NTM: variants seen among roughly 807,000 people sequenced by gnomAD.
The protein encoded by NTM is neurotrimin.
Under a neutral mutation model 42.1 loss-of-function variants are expected in NTM, and 13 were observed. The observed-to-expected ratio is 0.31, with a 90% confidence interval of 0.20 to 0.49. The LOEUF (loss-of-function observed/expected upper bound fraction) is 0.49, where lower values mean the gene tolerates loss of function less well. NTM is among the 20% of genes least tolerant of loss of function. NTM has a pLI of 0.99. For missense variants in NTM, 373 were observed against 452.8 expected (o/e 0.82, Z 1.60); for synonymous variants, 187 against 179.2 (o/e 1.04, Z -0.35).
At chr11:132,325,155 C>A (rs1198595773) in intron 7 of NTM, among the ~76,000 whole-genome samples, 2 of 152,094 alleles carry the variant, frequency 1.3e-5, no homozygotes, top group Non-Finnish European at 2.9e-5. Context: ...GCAACAAAAG[C>A]CAAAACTGAC....
intron 1 of NTM, chr11:131,795,638 T>A (rs576680189): frequency 3.0e-6 from 3 of 985,278 alleles, no homozygotes; most frequent in Non-Finnish European, 2.4e-6. Flanking sequence ...TTGATTCCCA[T>A]GTAGGCCAGT....
intron 4 of NTM, among the ~76,000 whole-genome samples, chr11:132,271,554 C>T (rs2093478054): frequency 6.6e-6 from 1 of 152,116 alleles, no homozygotes; most frequent in Non-Finnish European, 1.5e-5. Context: ...TACACCAACA[C>T]TTGTTATTAT....
chr11:131,416,684 G>A (rs184909060), intron 1 of NTM, among the ~76,000 whole-genome samples: 44 of 152,296 alleles, frequency 2.9e-4, no homozygotes, highest in Non-Finnish European at 5.3e-4. Flanking sequence ...AGGACCACTG[G>A]TCTTACCATA....
chr11:131,741,645 A>G (rs1460959454), intron 1 of NTM, among the ~76,000 whole-genome samples: 2 of 152,230 alleles, frequency 1.3e-5, no homozygotes, highest in Admixed American at 1.3e-4. Context: ...GAAAGCAGAG[A>G]CTAAGGAAAT....
chr11:131,563,513 C>T (rs562766521), intron 1 of NTM, among the ~76,000 whole-genome samples: 3 of 150,550 alleles, frequency 2.0e-5, no homozygotes, highest in African/African-American at 7.3e-5. Context: ...GGGTGTTAGC[C>T]TGGGCGGGCC....
rs115550728 is a variant in NTM, at chr11:132,146,055, G to A, written c.168-227G>A. On this transcript the variant is annotated intron_variant, in intron 2 of 8. Coordinates refer to ENST00000683400, the MANE Select transcript of NTM (RefSeq NM_001352005.2). This position sits in a 1 kb window ranked among gnomAD's most constrained non-coding sequence, Gnocchi z 4.5. ...TATAACTGAGATCGTATTTGAAGTG[G>A]TTCTGTGCTCAAGTGGTTTGAGAAG... Among the ~76,000 whole-genome samples the A allele has an allele frequency of 6.6e-6, 1 of 152,326 alleles. No homozygotes were observed. The highest frequency in any genetic ancestry group is 2.4e-5 in the African/African-American group (1 of 41,580).
At chr11:132,028,121 T>G (rs2075426479) in intron 2 of NTM, among the ~76,000 whole-genome samples, 1 of 152,120 alleles carries the variant, frequency 6.6e-6, no homozygotes, top group Admixed American at 6.5e-5. Flanking sequence ...TTGCAAGTTG[T>G]CTGCTTTTTC....
chr11:131,761,765 C>A (rs1273020421), intron 1 of NTM, among the ~76,000 whole-genome samples: 1 of 151,630 alleles, frequency 6.6e-6, no homozygotes, highest in Non-Finnish European at 1.5e-5. Context: ...GCAGAGATAG[C>A]GCCATTGCAC....
At chr11:131,583,286 T>C (rs373412617) in intron 1 of NTM, among the ~76,000 whole-genome samples, 1 of 152,178 alleles carries the variant, frequency 6.6e-6, no homozygotes, top group African/African-American at 2.4e-5. Flanking sequence ...CGTAGCCTCA[T>C]AGCAGTACCT....
At chr11:132,226,767 A>G (rs929225763) in intron 4 of NTM, among the ~76,000 whole-genome samples, 2 of 152,138 alleles carry the variant, frequency 1.3e-5, no homozygotes, top group Non-Finnish European at 2.9e-5. Flanking sequence ...GCAATCTAAG[A>G]GTATGTTAAT....
At chr11:131,766,457 C>T (rs915309288) in intron 1 of NTM, among the ~76,000 whole-genome samples, 1 of 152,112 alleles carries the variant, frequency 6.6e-6, no homozygotes, top group African/African-American at 2.4e-5. Flanking sequence ...GAGGGAGAGC[C>T]AGCTTGTCAC....
At chr11:131,527,586 T>C (rs2050682069) in intron 1 of NTM, among the ~76,000 whole-genome samples, 1 of 152,226 alleles carries the variant, frequency 6.6e-6, no homozygotes. Context: ...AGCCTCATTA[T>C]TGAATTTGCT....
At chr11:132,104,337 T>C (rs1042211562) in intron 2 of NTM, among the ~76,000 whole-genome samples, 1 of 151,740 alleles carries the variant, frequency 6.6e-6, no homozygotes, top group Non-Finnish European at 1.5e-5. Context: ...TTCCTCCCCT[T>C]CCTCCCTCCA....
At chr11:132,189,478 G>T (rs1002273231) in intron 3 of NTM, among the ~76,000 whole-genome samples, 2 of 152,180 alleles carry the variant, frequency 1.3e-5, no homozygotes, top group Admixed American at 1.3e-4. Flanking sequence ...CAGTAAAGAA[G>T]AGCTGCCTGC....
At chr11:131,866,144 G>A (rs889505069) in intron 1 of NTM, among the ~76,000 whole-genome samples, 14 of 149,328 alleles carry the variant, frequency 9.4e-5, no homozygotes, top group East Asian at 6.6e-4. Context: ...CATGCATGCC[G>A]CACACACACG....
intron 4 of NTM, among the ~76,000 whole-genome samples, chr11:132,234,226 T>G (rs986706139): frequency 1.3e-5 from 2 of 152,216 alleles, no homozygotes; most frequent in African/African-American, 2.4e-5. Context: ...TTTTGGATAG[T>G]GGCACTGGTT....
rs1289655091 is a variant in NTM at position 131,440,673 on chromosome 11, T to G, written c.82+69785T>G. Among the ~76,000 whole-genome samples the G allele has an allele frequency of 8.6e-5, 13 of 151,992 alleles. No homozygotes were observed. The East Asian group carries it at 2.3e-3, about 27-fold the overall frequency. On this transcript the variant is annotated intron_variant, in intron 1 of 8. Coordinates refer to ENST00000683400, the MANE Select transcript of NTM (RefSeq NM_001352005.2). Reference sequence around the variant, plus strand: ...GAACTACATTTTTGAAAACCACTACTCTAGAGAATAAGCTCTCTATCTCTT... The same window carrying G: ...GAACTACATTTTTGAAAACCACTACGCTAGAGAATAAGCTCTCTATCTCTT...
chr11:131,738,508 C>T (rs769839040), intron 1 of NTM, among the ~76,000 whole-genome samples: 14 of 152,110 alleles, frequency 9.2e-5, no homozygotes, highest in Non-Finnish European at 1.3e-4. Flanking sequence ...CAAAATTTTC[C>T]GGAGTCATGA....
At chr11:131,428,697 A>G (rs2135892483) in intron 1 of NTM, among the ~76,000 whole-genome samples, 1 of 152,290 alleles carries the variant, frequency 6.6e-6, no homozygotes, top group South Asian at 2.1e-4. Context: ...GACACATAGT[A>G]GAGCCTCAAA....
Sources: gnomAD v4.1 joint callset for allele counts (sites outside exome capture counted in the v4.1 genomes callset) on GRCh38, gnomAD v4.1.1 for gene constraint, Gnocchi (gnomAD v3.1) non-coding constraint, MANE v1.5 for transcripts, NCBI Gene and HGNC (gene_info 2026-07-23, HGNC 2026-07-21) for gene names.